MLLT3: variants seen among roughly 807,000 people sequenced by gnomAD.
MLLT3 encodes the protein MLLT3 super elongation complex subunit, also known as protein AF-9.
MLLT3 carries 4 observed loss-of-function variants against 53.2 expected under a neutral mutation model. The ratio of observed to expected loss-of-function variants is 0.08; its 90% confidence interval spans 0.04 to 0.17. MLLT3 has a LOEUF of 0.17. Ranked by LOEUF, MLLT3 falls within the 10% of genes least tolerant of loss-of-function variation. The pLI is 1.00. For synonymous variants in MLLT3, 283 were observed against 230.6 expected, an observed-to-expected ratio of 1.23 and a Z score of -2.06; for missense variants, 569 against 684.0, an observed-to-expected ratio of 0.83 and a Z score of 1.87.
intron 5 of MLLT3, among the ~76,000 whole-genome samples, chr9:20,378,572 C>T (rs1821832315): frequency 6.6e-6 from 1 of 152,028 alleles, no homozygotes; most frequent in Non-Finnish European, 1.5e-5. Flanking sequence ...ACACAAAATA[C>T]TTTACATAAT....
chr9:20,525,126 T>TAAAAAAA (rs757232208), intron 2 of MLLT3, among the ~76,000 whole-genome samples: 1 of 56,132 alleles, frequency 1.8e-5, no homozygotes, highest in African/African-American at 5.2e-5. Flanking sequence ...GAAGAAAGAC[T>TAAAAAAA]AAAAAAAAAA....
intron 3 of MLLT3, among the ~76,000 whole-genome samples, chr9:20,453,311 A>G (rs1443148914): frequency 6.6e-6 from 1 of 152,160 alleles, no homozygotes; most frequent in South Asian, 2.1e-4. Context: ...CTGTAATCCT[A>G]GCACTTTGGG....
intron 4 of MLLT3, among the ~76,000 whole-genome samples, chr9:20,440,343 G>C (rs189491166): frequency 6.6e-6 from 1 of 152,088 alleles, no homozygotes; most frequent in Non-Finnish European, 1.5e-5. Context: ...CCCTGAAAAT[G>C]AACCACATAT....
intron 2 of MLLT3, among the ~76,000 whole-genome samples, chr9:20,526,493 T>C (rs1818207578): frequency 6.6e-6 from 1 of 152,238 alleles, no homozygotes; most frequent in Non-Finnish European, 1.5e-5. Flanking sequence ...TGCTTATGTG[T>C]ATGGCTTCTT....
chr9:20,452,669 A>G (rs1485659363), intron 3 of MLLT3, among the ~76,000 whole-genome samples: 2 of 152,214 alleles, frequency 1.3e-5, no homozygotes, highest in Non-Finnish European at 2.9e-5. Context: ...GACCTATTAA[A>G]TTTTTACCAA....
intron 2 of MLLT3, among the ~76,000 whole-genome samples, chr9:20,588,978 C>A (rs1820053536): frequency 6.6e-6 from 1 of 151,196 alleles, no homozygotes. Context: ...CACTTTTACA[C>A]TGTTGGTGGG....
chr9:20,405,737 T>A (rs540912464), intron 5 of MLLT3, among the ~76,000 whole-genome samples: 3 of 152,228 alleles, frequency 2.0e-5, no homozygotes, highest in Non-Finnish European at 4.4e-5. Flanking sequence ...TCTTCTTCAT[T>A]CTCAGAGAGG....
At chr9:20,594,429 A>T (rs1402709410) in intron 2 of MLLT3, among the ~76,000 whole-genome samples, 1 of 152,118 alleles carries the variant, frequency 6.6e-6, no homozygotes, top group African/African-American at 2.4e-5. Flanking sequence ...CAGAAGATGG[A>T]TCTTCATCCC....
At chr9:20,438,336 T>C (rs750723078) in intron 4 of MLLT3, among the ~76,000 whole-genome samples, 21 of 152,184 alleles carry the variant, frequency 1.4e-4, no homozygotes, top group Non-Finnish European at 1.2e-4. Flanking sequence ...GAGGATTAGC[T>C]GAAATTCAGC....
chr9:20,447,999 T>C (rs1823746267), intron 4 of MLLT3, 124 bp downstream of exon 4: 3 of 1,003,154 alleles, frequency 3.0e-6, no homozygotes, highest in Non-Finnish European at 4.4e-6. Context: ...TTAAGGTACA[T>C]CATTTCTTTT....
intron 5 of MLLT3, among the ~76,000 whole-genome samples, chr9:20,383,060 T>A (rs1821943198): frequency 6.6e-6 from 1 of 151,860 alleles, no homozygotes. Flanking sequence ...CCCCTACTCA[T>A]AATTTGAGCT....
chr9:20,384,887 C>A (rs1821995691), intron 5 of MLLT3, among the ~76,000 whole-genome samples: 1 of 152,102 alleles, frequency 6.6e-6, no homozygotes, highest in African/African-American at 2.4e-5. Flanking sequence ...AAATATAGCA[C>A]TCCCCAGCCG....
chr9:20,430,693 G>A (rs1360332172), intron 4 of MLLT3, among the ~76,000 whole-genome samples: 2 of 151,876 alleles, frequency 1.3e-5, no homozygotes, highest in African/African-American at 4.8e-5. Context: ...TATGACCTTG[G>A]TATAGGAGAA....
At chr9:20,378,029 G>C (rs187856772) in intron 5 of MLLT3, among the ~76,000 whole-genome samples, 40 of 151,920 alleles carry the variant, frequency 2.6e-4, no homozygotes, top group Admixed American at 4.6e-4. Context: ...TTTGGGTGTG[G>C]GTATGAATGT....
At chr9:20,483,874 A>ATT (rs11406341) in intron 2 of MLLT3, among the ~76,000 whole-genome samples, 50 of 147,584 alleles carry the variant, frequency 3.4e-4, no homozygotes, top group African/African-American at 4.2e-4. Flanking sequence ...CGCAAGTCTA[A>ATT]TTTTTTTTTT....
chr9:20,468,536 T>C (rs1563977578), intron 2 of MLLT3, among the ~76,000 whole-genome samples: 1 of 152,172 alleles, frequency 6.6e-6, no homozygotes. Context: ...AACACTGAAA[T>C]ACTGCAATAA....
intron 5 of MLLT3, among the ~76,000 whole-genome samples, chr9:20,401,156 A>T (rs938575307): frequency 1.3e-5 from 2 of 152,188 alleles, no homozygotes; most frequent in African/African-American, 4.8e-5. Context: ...TTTTCACAGC[A>T]CCAATCACTA....
chr9:20,513,537 G>C (rs1817815730), intron 2 of MLLT3, among the ~76,000 whole-genome samples: 1 of 152,220 alleles, frequency 6.6e-6, no homozygotes, highest in South Asian at 2.1e-4. Flanking sequence ...AACTAACCAA[G>C]CAGGTTTCCT....
chr9:20,604,462 A>C (rs734477), intron 2 of MLLT3, among the ~76,000 whole-genome samples: 27,731 of 152,014 alleles, frequency 0.18, 2,667 homozygotes, highest in Middle Eastern at 0.22. Context: ...GTCCCAATAT[A>C]AGCAAAAATG....
Sources: gnomAD v4.1 joint callset for allele counts (sites outside exome capture counted in the v4.1 genomes callset) on GRCh38, gnomAD v4.1.1 for gene constraint, MANE v1.5 for transcripts, NCBI Gene and HGNC (gene_info 2026-07-23, HGNC 2026-07-21) for gene names.